UCHL3: variants seen among roughly 807,000 people sequenced by gnomAD.
The protein encoded by UCHL3 is ubiquitin C-terminal hydrolase L3.
Under a neutral mutation model 35.8 loss-of-function variants are expected in UCHL3, and 22 were observed. The observed-to-expected ratio is 0.61, with a 90% CI of 0.44 to 0.88. The LOEUF (loss-of-function observed/expected upper bound fraction) is 0.88. Ranked by LOEUF, UCHL3 falls within the 40% of genes least tolerant of loss-of-function variation. The pLI is 0.00. For synonymous variants in UCHL3, 90 were observed against 92.8 expected, an observed-to-expected ratio of 0.97 and a Z score of 0.17; for missense variants, 229 against 276.9, an observed-to-expected ratio of 0.83 and a Z score of 1.23.
At chr13:75,590,869 A>T (rs1362746689) in intron 6 of UCHL3, among the ~76,000 whole-genome samples, 2 of 152,190 alleles carry the variant, frequency 1.3e-5, no homozygotes, top group Non-Finnish European at 2.9e-5. Flanking sequence ...ATTATCTTAA[A>T]TGTTGAGACT....
chr13:75,590,526 A>G (rs1336535920), intron 6 of UCHL3, among the ~76,000 whole-genome samples: 1 of 151,824 alleles, frequency 6.6e-6, no homozygotes, highest in Admixed American at 6.6e-5. Context: ...CTATTACTTT[A>G]TTATTATTAT....
At chr13:75,549,643 T>C (rs1231854061), upstream of UCHL3, 5 of 567,708 alleles carry the variant, frequency 8.8e-6, no homozygotes, top group Non-Finnish European at 1.4e-5. Context: ...ACACTTGACC[T>C]ACGGCCCTGC....
rs1358384856 is a variant in UCHL3, at chr13:75,589,864, T to C, written c.475-5051T>C. The C allele has an allele frequency of 4.4e-6, 5 of 1,124,506 alleles. No homozygotes were observed. In the African/African-American group the frequency reaches 4.9e-5, roughly 11 times the overall value. The allele number at this position is 1,124,506 out of a possible 1,614,324, so 69.7% of individuals were successfully genotyped here. A position where few individuals can be genotyped will look rare whatever the true frequency, so the allele number is the denominator to read the frequency against. ...ACCATATGAATTACAAGCATGACCATACGTTGCTTTTAAGAATAAATGATC... is the reference window on the plus strand; with the variant it reads ...ACCATATGAATTACAAGCATGACCACACGTTGCTTTTAAGAATAAATGATC... On this transcript the variant is annotated intron_variant, in intron 6 of 8. Transcript: ENST00000377595.
At chr13:75,598,724 G>A (rs1399756225) in intron 7 of UCHL3, among the ~76,000 whole-genome samples, 1 of 152,156 alleles carries the variant, frequency 6.6e-6, no homozygotes, top group South Asian at 2.1e-4. Context: ...CCCATTACTG[G>A]TGATGTTTAG....
chr13:75,604,973 T>TATA, intron 8 of UCHL3, 146 bp downstream of exon 8: 1 of 569,970 alleles, frequency 1.8e-6, no homozygotes, highest in South Asian at 5.6e-5. Context: ...AAAATTTATA[T>TATA]TAGTGTTAAA....
intron 6 of UCHL3, among the ~76,000 whole-genome samples, chr13:75,594,269 C>G (rs1358482898): frequency 1.3e-5 from 2 of 152,168 alleles, no homozygotes; most frequent in East Asian, 3.8e-4. Context: ...AAATCACAGG[C>G]TACTGTGAAT....
Position 75,565,131 on chromosome 13 carries a change from A to G in UCHL3, c.184-1564A>G, listed in dbSNP as rs75531503. ...ATTTTTTTTAATTTTTTGATCTACC[A>G]TAATTTCTTTTTTTCCTTTAGTTGC... On this transcript the variant is annotated intron_variant, in intron 3 of 8. Coordinates refer to ENST00000377595, the MANE Select transcript of UCHL3 (RefSeq NM_006002.5). Among the ~76,000 whole-genome samples, 923 of 152,096 alleles carry G rather than the reference A, an allele frequency of 6.1e-3. 3 individuals are homozygous for G. Among genetic ancestry groups the G allele is most frequent in the Non-Finnish European group, 0.01 (683 of 67,984 alleles).
At chr13:75,573,269 A>C (rs76329592) in intron 6 of UCHL3, among the ~76,000 whole-genome samples, 1 of 142,304 alleles carries the variant, frequency 7.0e-6, no homozygotes, top group South Asian at 2.1e-4. Flanking sequence ...TGTCTCAGAA[A>C]AAAAAAAAAA....
intron 7 of UCHL3, among the ~76,000 whole-genome samples, chr13:75,603,339 C>T (rs1486274880): frequency 2.0e-5 from 3 of 152,190 alleles, no homozygotes; most frequent in African/African-American, 4.8e-5. Flanking sequence ...CAGGAAAATA[C>T]ATATATTAAG....
At chr13:75,588,569 G>A (rs542052148) in intron 6 of UCHL3, among the ~76,000 whole-genome samples, 2 of 152,006 alleles carry the variant, frequency 1.3e-5, no homozygotes, top group African/African-American at 4.8e-5. Context: ...ATTATGAGCC[G>A]CTAAAATGTT....
chr13:75,564,292 A>G (rs2031614975), intron 3 of UCHL3, among the ~76,000 whole-genome samples: 1 of 151,880 alleles, frequency 6.6e-6, no homozygotes, highest in Admixed American at 6.6e-5. Flanking sequence ...CTGGGACTAC[A>G]GGTGCCTGCC....
At chr13:75,580,056 A>G (rs1220554065) in intron 6 of UCHL3, among the ~76,000 whole-genome samples, 1 of 152,178 alleles carries the variant, frequency 6.6e-6, no homozygotes, top group Non-Finnish European at 1.5e-5. Flanking sequence ...CAGGGAAAAA[A>G]GTCTTTTTAG....
chr13:75,575,022 A>T (rs1231653767), intron 6 of UCHL3, among the ~76,000 whole-genome samples: 1 of 152,176 alleles, frequency 6.6e-6, no homozygotes, highest in Non-Finnish European at 1.5e-5. Context: ...GCCAATAATA[A>T]TATAGTGTAA....
intron 6 of UCHL3, among the ~76,000 whole-genome samples, chr13:75,592,435 T>TATATATATAC (rs1566227973): frequency 1.0e-5 from 1 of 98,758 alleles, no homozygotes; most frequent in Admixed American, 1.0e-4. Flanking sequence ...TATATATATA[T>TATATATATAC]ATATATATAT....
chr13:75,572,636 C>G (rs781217157), intron 6 of UCHL3, among the ~76,000 whole-genome samples: 4 of 152,076 alleles, frequency 2.6e-5, no homozygotes, highest in Non-Finnish European at 4.4e-5. Context: ...AGAATTAGCT[C>G]AGAACTGTCC....
rs1346865670 is a variant in UCHL3 at position 75,588,684 on chromosome 13, G to A, written c.475-6231G>A. ...TAAGTAGGATTAGAGAATTTTCACA[G>A]TTGACAAGAGTTTTAAAAATCATTC... On this transcript the variant is annotated intron_variant, in intron 6 of 8. Coordinates refer to ENST00000377595, the MANE Select transcript of UCHL3 (RefSeq NM_006002.5). Among the ~76,000 whole-genome samples, 3 of 152,246 alleles carry A rather than the reference G, an allele frequency of 2.0e-5. No homozygotes were observed. In the East Asian group the frequency reaches 5.8e-4, roughly 29 times the overall value.
At chr13:75,569,544 A>G (rs2031788379) in intron 6 of UCHL3, 37 bp downstream of exon 6, 1 of 1,551,838 alleles carries the variant, frequency 6.4e-7, no homozygotes, top group Non-Finnish European at 8.8e-7. Context: ...CTTGCTATAA[A>G]TTTAACCATA....
At chr13:75,564,397 G>T (rs187379636) in intron 3 of UCHL3, among the ~76,000 whole-genome samples, 2 of 151,960 alleles carry the variant, frequency 1.3e-5, no homozygotes, top group Admixed American at 1.3e-4. Flanking sequence ...TGATCCACCC[G>T]CCTTGGCCTC....
chr13:75,605,947 T>A lies in UCHL3; in HGVS notation c.*135T>A, dbSNP rs753348223. The A allele has an allele frequency of 5.0e-4, 373 of 744,434 alleles. No homozygotes were observed. The highest frequency in any genetic ancestry group is 7.1e-4 in the Non-Finnish European group (332 of 466,872). 46.1% of individuals were successfully genotyped at this position (744,434 alleles called of 1,614,324 possible). A position where few individuals can be genotyped will look rare whatever the true frequency, so the allele number is the denominator to read the frequency against. On this transcript the variant is annotated 3_prime_UTR_variant, in exon 9 of 9. Coordinates refer to ENST00000377595, the MANE Select transcript of UCHL3 (RefSeq NM_006002.5). ...ATGTGAGTTAAACTTTGCCTTAACC[T>A]GTGTTTTATGTTATTTTTGCTCCAG...
Sources: gnomAD v4.1 joint callset for allele counts (sites outside exome capture counted in the v4.1 genomes callset) on GRCh38, gnomAD v4.1.1 for gene constraint, MANE v1.5 for transcripts, NCBI Gene and HGNC (gene_info 2026-07-23, HGNC 2026-07-21) for gene names.